Variants in ARHGAP42 observed in about 807,000 individuals in gnomAD.
ARHGAP42 encodes the protein Rho GTPase activating protein 42.
A neutral mutation model predicts 125.0 loss-of-function variants in ARHGAP42; 63 were observed. The observed-to-expected ratio is 0.50, with a 90% CI of 0.41 to 0.62. The LOEUF (loss-of-function observed/expected upper bound fraction) is 0.62, where lower values mean the gene tolerates loss of function less well. ARHGAP42 is among the 20% of genes least tolerant of loss of function. The pLI, the probability that ARHGAP42 is intolerant of heterozygous loss-of-function variation, is 0.00. For synonymous variants in ARHGAP42, 339 were observed against 351.0 expected (o/e 0.97, Z 0.38); for missense variants, 766 against 1,024.2 (o/e 0.75, Z 3.44).
rs978066747 is a variant in ARHGAP42 at position 100,687,394 on chromosome 11, C to T, written c.-285C>T. On this transcript the variant is annotated 5_prime_UTR_variant, in exon 1 of 24. Coordinates refer to ENST00000298815, the MANE Select transcript of ARHGAP42 (RefSeq NM_152432.4). ...CGGCCGCGGCCCGGAGCCTCGCCGC[C>T]CCCGCGTTCCGAACGACGATGCGTC... 5.9e-5 allele frequency among the ~76,000 whole-genome samples: 9 copies of T among 152,052 alleles called. No individual in the cohort carries two copies. Among genetic ancestry groups the T allele is most frequent in the African/African-American group, 2.2e-4 (9 of 41,442 alleles).
chr11:100,840,458 A>T (rs1864919081), intron 3 of ARHGAP42: 1 of 152,198 alleles, frequency 6.6e-6, no homozygotes, highest in Admixed American at 6.6e-5. Context: ...TGAGTAAAAT[A>T]TGTAAATCTG....
chr11:100,972,569 G>T (rs1208993835), intron 17 of ARHGAP42, among the ~76,000 whole-genome samples: 1 of 150,306 alleles, frequency 6.7e-6, no homozygotes, highest in African/African-American at 2.4e-5. Context: ...AGAAAGAAAA[G>T]AAACATGTTG....
chr11:100,805,158 C>T (rs538781993), intron 3 of ARHGAP42, among the ~76,000 whole-genome samples: 1 of 152,248 alleles, frequency 6.6e-6, no homozygotes, highest in South Asian at 2.1e-4. Flanking sequence ...TTAATATAGC[C>T]ATTTCAAAGA....
At chr11:100,859,692 G>A (rs1865399651) in intron 4 of ARHGAP42, 67 bp downstream of exon 4, 2 of 1,259,702 alleles carry the variant, frequency 1.6e-6, no homozygotes, top group African/African-American at 3.1e-5. Context: ...AATTTCAGAT[G>A]TTAACATTTT....
At chr11:100,786,273 AAAC>A in intron 2 of ARHGAP42, among the ~76,000 whole-genome samples, 1 of 152,366 alleles carries the variant, frequency 6.6e-6, no homozygotes, top group East Asian at 1.9e-4. Flanking sequence ...CTTGCAAAGA[AAAC>A]AAAATATGTG....
intron 4 of ARHGAP42, among the ~76,000 whole-genome samples, chr11:100,879,286 A>G (rs1371063656): frequency 6.6e-6 from 1 of 152,086 alleles, no homozygotes; most frequent in Admixed American, 6.6e-5. Flanking sequence ...GGTCCTCTCT[A>G]TTTGGGGGGT....
chr11:100,733,595 G>A (rs1432221087), intron 1 of ARHGAP42, among the ~76,000 whole-genome samples: 3 of 151,914 alleles, frequency 2.0e-5, no homozygotes, highest in Non-Finnish European at 4.4e-5. Context: ...CGGCCGAGGC[G>A]GGCAGATCAC....
intron 3 of ARHGAP42, among the ~76,000 whole-genome samples, chr11:100,834,254 A>G (rs1276117393): frequency 6.6e-6 from 1 of 152,216 alleles, no homozygotes. Flanking sequence ...ACCCAGGGCT[A>G]TCAATTCCAG....
rs1858770398 is a variant in ARHGAP42 at position 100,989,329 on chromosome 11, A to G, written c.*528A>G. 3 of 389,352 alleles carry G rather than the reference A, an allele frequency of 7.7e-6. No homozygotes were observed. The highest frequency in any genetic ancestry group is 1.4e-4 in the South Asian group (1 of 6,950). 24.1% of individuals were successfully genotyped at this position (389,352 alleles called of 1,614,324 possible). On this transcript the variant is annotated 3_prime_UTR_variant, in exon 24 of 24. Coordinates refer to ENST00000298815, the MANE Select transcript of ARHGAP42 (RefSeq NM_152432.4). ...CAAGGATGTAAGTCTTTGTTTTAATATAACTTTATTTGTTTTCCAAGTAGA... is the reference window on the plus strand; with the variant it reads ...CAAGGATGTAAGTCTTTGTTTTAATGTAACTTTATTTGTTTTCCAAGTAGA...
At chr11:100,974,945 C>T (rs1858349816) in intron 19 of ARHGAP42, among the ~76,000 whole-genome samples, 1 of 152,108 alleles carries the variant, frequency 6.6e-6, no homozygotes, top group Non-Finnish European at 1.5e-5. Flanking sequence ...CTGTCATTTT[C>T]TTCCTTCCTT....
At chr11:100,959,603 C>T (rs1400774700) in intron 12 of ARHGAP42, among the ~76,000 whole-genome samples, 1 of 152,030 alleles carries the variant, frequency 6.6e-6, no homozygotes, top group East Asian at 1.9e-4. Flanking sequence ...AAAGAAAACA[C>T]GTAGTAAAGG....
At chr11:100,775,772 G>A (rs900571802) in intron 2 of ARHGAP42, among the ~76,000 whole-genome samples, 3 of 152,144 alleles carry the variant, frequency 2.0e-5, no homozygotes, top group Admixed American at 6.5e-5. Context: ...GAGTATGCAA[G>A]TTACTCTATT....
intron 2 of ARHGAP42, among the ~76,000 whole-genome samples, chr11:100,792,842 T>A (rs1863598130): frequency 6.6e-6 from 1 of 151,868 alleles, no homozygotes; most frequent in Non-Finnish European, 1.5e-5. Flanking sequence ...AAGCTCTGCC[T>A]TCCGGGTTCA....
At position 100,879,208 on chromosome 11, in the gene ARHGAP42, A is replaced by T. The variant is rs532887108; in HGVS notation, c.384+19583A>T. 9.8e-5 allele frequency among the ~76,000 whole-genome samples: 15 copies of T among 152,290 alleles called. No individual in the cohort carries two copies. In the East Asian group the frequency reaches 2.3e-3, roughly 24 times the overall value. Reference sequence around the variant, plus strand: ...AGACTCCTAGTTGATTCAAATGCATAATACAAGTTTTAGAAGCACTGCTCT... The same window carrying T: ...AGACTCCTAGTTGATTCAAATGCATTATACAAGTTTTAGAAGCACTGCTCT... On this transcript the variant is annotated intron_variant, in intron 4 of 23. Coordinates refer to ENST00000298815, the MANE Select transcript of ARHGAP42 (RefSeq NM_152432.4).
rs138027511 is a variant in ARHGAP42 at position 100,826,731 on chromosome 11, C to G, written c.312+31565C>G. 6.9e-3 allele frequency among the ~76,000 whole-genome samples: 1,057 copies of G among 152,232 alleles called. 8 individuals are homozygous for G. Among genetic ancestry groups the G allele is most frequent in the South Asian group, 0.017 (83 of 4,820 alleles). On this transcript the variant is annotated intron_variant, in intron 3 of 23. Coordinates refer to ENST00000298815, the MANE Select transcript of ARHGAP42 (RefSeq NM_152432.4). ...TTTGGGGACTCCTCAGGGACTGTCT[C>G]ACCCTCCCTAAGAAATCCTTCCTGC...
At chr11:100,789,656 CAG>C (rs1863520088) in intron 2 of ARHGAP42, among the ~76,000 whole-genome samples, 1 of 152,200 alleles carries the variant, frequency 6.6e-6, no homozygotes, top group Non-Finnish European at 1.5e-5. Context: ...ACATAACGTA[CAG>C]AGTTGTGTGC....
chr11:100,770,361 A>G lies in ARHGAP42; in HGVS notation c.173A>G (p.Gln58Arg). 11 of 1,549,950 alleles carry G rather than the reference A, an allele frequency of 7.1e-6. No homozygotes were observed. The highest frequency in any genetic ancestry group is 9.6e-6 in the Non-Finnish European group (11 of 1,146,538). Reference protein sequence around the residue: ...GALRNLSMAVQKFSQSLQDFQ... With the variant: ...GALRNLSMAVRKFSQSLQDFQ... Reference sequence around the variant, plus strand: ...CTTGCAGATCTGTCTATGGCAGTGCAGAAATTTTCCCAGTCATTGCAAGAT... The same window carrying G: ...CTTGCAGATCTGTCTATGGCAGTGCGGAAATTTTCCCAGTCATTGCAAGAT... The change falls in exon 2 of 24, where the codon CAG becomes CGG. Residue 58 changes from glutamine (Q) to arginine (R), a missense_variant. This residue lies in a region of ARHGAP42 where 455 missense variants were observed against 636.5 expected (regional missense o/e 0.71). Coordinates refer to ENST00000298815, the MANE Select transcript of ARHGAP42 (RefSeq NM_152432.4).
intron 3 of ARHGAP42, among the ~76,000 whole-genome samples, chr11:100,858,835 A>C (rs1469177502): frequency 6.6e-6 from 1 of 152,040 alleles, no homozygotes. Context: ...TTAAATCAAC[A>C]TTCCCCTCCA....
chr11:100,948,229 A>T (rs759203733), intron 10 of ARHGAP42, among the ~76,000 whole-genome samples: 13 of 152,106 alleles, frequency 8.5e-5, no homozygotes, highest in Non-Finnish European at 1.9e-4. Flanking sequence ...TAATGATTTT[A>T]TCACCTGTGA....
Sources: allele counts gnomAD v4.1 joint callset (sites outside exome capture counted in the v4.1 genomes callset), GRCh38; gene constraint gnomAD v4.1.1; regional missense constraint gnomAD v4.1.1; transcripts MANE v1.5; gene names NCBI Gene and HGNC (gene_info 2026-07-23, HGNC 2026-07-21).